GRM1: variants seen among roughly 807,000 people sequenced by gnomAD.
GRM1 encodes the protein metabotropic glutamate receptor 1.
A neutral mutation model predicts 90.9 loss-of-function variants in GRM1; 33 were observed. The observed-to-expected ratio is 0.36, with a 90% CI of 0.28 to 0.49. GRM1 has a LOEUF of 0.49. GRM1 is among the 20% of genes least tolerant of loss of function. GRM1 has a pLI of 0.99. For missense variants in GRM1, 1,190 were observed against 1,534.3 expected (o/e 0.78, Z 3.75); for synonymous variants, 700 against 613.2 (o/e 1.14, Z -2.09).
In GRM1 at chr6:146,329,616, G is replaced by T. The variant is rs191020952; in HGVS notation, c.1187-22634G>T. 3.6e-4 allele frequency among the ~76,000 whole-genome samples: 55 copies of T among 152,264 alleles called. 2 individuals are homozygous for T. The highest frequency in any genetic ancestry group is 3.1e-3 in the Admixed American group (47 of 15,288). On this transcript the variant is annotated intron_variant, in intron 3 of 7. Coordinates refer to ENST00000282753, the MANE Select transcript of GRM1 (RefSeq NM_001278064.2). ...TAAACATAACTTTGTGTGATTTCCT[G>T]CAAATCACAGATGCTCCTTGACTTA...
chr6:146,420,315 CAAAAATCTAAATAG>C (rs916148130), intron 7 of GRM1, among the ~76,000 whole-genome samples: 1 of 152,146 alleles, frequency 6.6e-6, no homozygotes, highest in African/African-American at 2.4e-5. Flanking sequence ...AGCAGAAGAC[CAAAAATCTAAATAG>C]AAAAATCTTT....
intron 7 of GRM1, among the ~76,000 whole-genome samples, chr6:146,432,169 A>C (rs1778435606): frequency 6.6e-6 from 1 of 152,262 alleles, no homozygotes; most frequent in South Asian, 2.1e-4. Flanking sequence ...AGAAATATTA[A>C]CTTTGACATA....
chr6:146,322,045 T>C (rs1784208177), intron 3 of GRM1, among the ~76,000 whole-genome samples: 1 of 152,176 alleles, frequency 6.6e-6, no homozygotes, highest in South Asian at 2.1e-4. Flanking sequence ...TATCTACCTT[T>C]GGTCTTTGAT....
intron 5 of GRM1, among the ~76,000 whole-genome samples, chr6:146,367,512 A>C (rs898231300): frequency 7.2e-5 from 11 of 151,748 alleles, no homozygotes; most frequent in African/African-American, 1.9e-4. Context: ...TGGTGTAGGG[A>C]TGATCCAGTG....
intron 3 of GRM1, among the ~76,000 whole-genome samples, chr6:146,306,740 T>C (rs1783592084): frequency 6.6e-6 from 1 of 152,064 alleles, no homozygotes; most frequent in Admixed American, 6.6e-5. Flanking sequence ...GGCCCGGTAG[T>C]GGGAAGCAAA....
chr6:146,356,910 C>T (rs149018586), intron 4 of GRM1, among the ~76,000 whole-genome samples: 482 of 152,068 alleles, frequency 3.2e-3, no homozygotes, highest in African/African-American at 0.01. Context: ...TGTAGTGTTC[C>T]GGCATTTCAA....
At chr6:146,351,801 A>G (rs1174577519) in intron 3 of GRM1, among the ~76,000 whole-genome samples, 1 of 152,220 alleles carries the variant, frequency 6.6e-6, no homozygotes, top group African/African-American at 2.4e-5. Context: ...ACCAAAAGAA[A>G]ATACCATGGT....
chr6:146,283,650 A>T (rs1384361466), intron 2 of GRM1, among the ~76,000 whole-genome samples: 2 of 152,198 alleles, frequency 1.3e-5, no homozygotes, highest in Non-Finnish European at 2.9e-5. Flanking sequence ...TTGCTACGAC[A>T]GGTATAGTTC....
chr6:146,061,678 A>G (rs1001628942), intron 1 of GRM1, among the ~76,000 whole-genome samples: 3 of 152,108 alleles, frequency 2.0e-5, no homozygotes, highest in Non-Finnish European at 4.4e-5. Flanking sequence ...ACACTTCTCA[A>G]AAAAAGACAT....
chr6:146,406,030 G>T (rs78870499), intron 7 of GRM1, among the ~76,000 whole-genome samples: 2 of 152,148 alleles, frequency 1.3e-5, no homozygotes, highest in Admixed American at 6.5e-5. Flanking sequence ...AGGAAATTCC[G>T]ACAGTATTTA....
intron 2 of GRM1, among the ~76,000 whole-genome samples, chr6:146,225,254 A>G (rs528424262): frequency 3.8e-4 from 58 of 152,232 alleles, no homozygotes; most frequent in Admixed American, 5.9e-4. Context: ...GAGATGTCTC[A>G]GATATGGTAG....
Position 146,112,359 on chromosome 6 carries a change from GT to G in GRM1, c.701-46979del, listed in dbSNP as rs377103305. Among the ~76,000 whole-genome samples, 19 of 149,210 alleles carry G rather than the reference GT, an allele frequency of 1.3e-4. No individual in the cohort carries two copies. In the East Asian group the frequency reaches 2.0e-3, roughly 15 times the overall value. On this transcript the variant is annotated intron_variant, in intron 1 of 7. Transcript: ENST00000282753. ...TTGGAAAGGGACTATCTTCAGAAAA[GT>G]TTTTTTTTTCTTTTTATTTGCCACA...
intron 3 of GRM1, among the ~76,000 whole-genome samples, chr6:146,343,658 T>TTTATTATTATTATTATTA (rs58070198): frequency 0.026 from 3,930 of 148,388 alleles, 94 homozygotes; most frequent in African/African-American, 0.062. Flanking sequence ...GTTGTTTTTA[T>TTTATTATTATTATTATTA]TTATTATTAT....
intron 1 of GRM1, among the ~76,000 whole-genome samples, chr6:146,106,270 A>G (rs959131062): frequency 2.6e-5 from 4 of 152,206 alleles, no homozygotes; most frequent in African/African-American, 9.6e-5. Flanking sequence ...ATAGAAGGTC[A>G]ACTGGATCAC....
intron 7 of GRM1, among the ~76,000 whole-genome samples, chr6:146,424,447 G>A (rs1250847301): frequency 1.3e-5 from 2 of 152,238 alleles, no homozygotes; most frequent in African/African-American, 4.8e-5. Flanking sequence ...CCCAAAGCCT[G>A]TCCAGAAAGG....
chr6:146,164,795 C>T (rs1319142332), intron 2 of GRM1, among the ~76,000 whole-genome samples: 3 of 152,084 alleles, frequency 2.0e-5, no homozygotes, highest in Non-Finnish European at 4.4e-5. Context: ...GAGCCTCCAC[C>T]CTGGTTTCCT....
chr6:146,122,179 A>G (rs1420484579), intron 1 of GRM1, among the ~76,000 whole-genome samples: 1 of 152,208 alleles, frequency 6.6e-6, no homozygotes, highest in East Asian at 1.9e-4. Flanking sequence ...TCTAGATAAA[A>G]ATCTTTTTCC....
chr6:146,052,821 C>A (rs994615694), intron 1 of GRM1, among the ~76,000 whole-genome samples: 2 of 151,980 alleles, frequency 1.3e-5, no homozygotes, highest in Non-Finnish European at 2.9e-5. Context: ...TGTGCCATTT[C>A]CTACTATTGG....
Position 146,372,417 on chromosome 6 carries a change from T to G in GRM1, c.1603-14473T>G, listed in dbSNP as rs1308686984. Among the ~76,000 whole-genome samples, 7 of 152,266 alleles carry G rather than the reference T, an allele frequency of 4.6e-5. No homozygotes were observed. In the East Asian group the frequency reaches 1.4e-3, roughly 29 times the overall value. On this transcript the variant is annotated intron_variant, in intron 5 of 7. Coordinates refer to ENST00000282753, the MANE Select transcript of GRM1 (RefSeq NM_001278064.2). The stretch of plus-strand genomic sequence containing the variant: ...ATTTTCTTCCATTCTGTGGGTTGTC[T>G]TTTCATCTTATTGATTGTATCTTTT...
Sources: gnomAD v4.1 joint callset for allele counts (sites outside exome capture counted in the v4.1 genomes callset) on GRCh38, gnomAD v4.1.1 for gene constraint, MANE v1.5 for transcripts, NCBI Gene and HGNC (gene_info 2026-07-23, HGNC 2026-07-21) for gene names.